Variants in CNNM2 observed in about 807,000 individuals in gnomAD.
CNNM2 encodes the protein cyclin and CBS domain divalent metal cation transport mediator 2.
Under a neutral mutation model 66.9 loss-of-function variants are expected in CNNM2, and 12 were observed. The observed-to-expected ratio is 0.18, with a 90% confidence interval of 0.11 to 0.29. The LOEUF is 0.29. Among genes scored for constraint, CNNM2 ranks in the 10% least tolerant of loss-of-function variants. The probability of loss-of-function intolerance (pLI) is 1.00; values close to 1 mark genes in which losing one functional copy is unlikely to be tolerated. For synonymous variants in CNNM2, 557 were observed against 501.8 expected (o/e 1.11, Z -1.47); for missense variants, 705 against 1,167.7 (o/e 0.60, Z 5.77).
At chr10:102,960,783 CTTT>C (rs1183182236) in intron 1 of CNNM2, among the ~76,000 whole-genome samples, 4 of 97,864 alleles carry the variant, frequency 4.1e-5, no homozygotes, top group Middle Eastern at 6.0e-3. Flanking sequence ...CCATACCTGG[CTTT>C]TTTTTTTTTT....
chr10:103,068,065 G>A (rs1254685295), intron 4 of CNNM2, among the ~76,000 whole-genome samples: 1 of 152,178 alleles, frequency 6.6e-6, no homozygotes, highest in Non-Finnish European at 1.5e-5. Context: ...CTGGCTCCTT[G>A]GACAGCCTAG....
intron 4 of CNNM2, among the ~76,000 whole-genome samples, chr10:103,067,677 C>T (rs1009725631): frequency 6.6e-6 from 1 of 152,126 alleles, no homozygotes; most frequent in Non-Finnish European, 1.5e-5. Flanking sequence ...TGAGCACCTA[C>T]CATGCAGGGA....
At chr10:103,076,311 G>C (rs1281577499) in intron 7 of CNNM2, 41 bp downstream of exon 7, 1 of 1,539,470 alleles carries the variant, frequency 6.5e-7, no homozygotes, top group South Asian at 1.2e-5. Flanking sequence ...CTGGCAGTTA[G>C]TTGTCAACTT....
chr10:102,937,629 T>C (rs768729971), intron 1 of CNNM2, among the ~76,000 whole-genome samples: 18 of 152,202 alleles, frequency 1.2e-4, no homozygotes, highest in Non-Finnish European at 2.2e-4. Context: ...CTACAAAATG[T>C]ATATCTTACA....
intron 6 of CNNM2, 55 bp downstream of exon 6, chr10:103,071,894 A>G: frequency 4.0e-6 from 6 of 1,510,126 alleles, no homozygotes; most frequent in Non-Finnish European, 5.5e-6. Context: ...CTTGCCCCCC[A>G]TCACGCCTGG....
At chr10:103,049,417 C>T (rs1029172335) in intron 1 of CNNM2, among the ~76,000 whole-genome samples, 3 of 152,156 alleles carry the variant, frequency 2.0e-5, no homozygotes, top group African/African-American at 4.8e-5. Context: ...CTTTAGGTGG[C>T]AGTTGCCGAA....
intron 1 of CNNM2, among the ~76,000 whole-genome samples, chr10:102,992,526 G>A (rs1172523401): frequency 1.3e-5 from 2 of 151,848 alleles, no homozygotes; most frequent in East Asian, 1.9e-4. Flanking sequence ...CTCCCACCTC[G>A]GCCTCCCAAA....
intron 1 of CNNM2, among the ~76,000 whole-genome samples, chr10:103,001,316 G>T (rs1005271110): frequency 2.0e-5 from 3 of 152,098 alleles, no homozygotes; most frequent in Non-Finnish European, 1.5e-5. Flanking sequence ...TTAAAAAAAT[G>T]GTTAAAATGG....
At chr10:103,022,586 A>G (rs1246797842) in intron 1 of CNNM2, among the ~76,000 whole-genome samples, 1 of 152,202 alleles carries the variant, frequency 6.6e-6, no homozygotes, top group Non-Finnish European at 1.5e-5. Flanking sequence ...CAAATGCTAC[A>G]AATCAGCTTT....
At chr10:103,011,938 A>G (rs768981627) in intron 1 of CNNM2, among the ~76,000 whole-genome samples, 3 of 151,798 alleles carry the variant, frequency 2.0e-5, no homozygotes, top group Non-Finnish European at 4.4e-5. Flanking sequence ...TGATCTGCCC[A>G]CCTCGGCCTC....
At chr10:103,020,156 CT>C (rs753529269) in intron 1 of CNNM2, among the ~76,000 whole-genome samples, 52 of 144,960 alleles carry the variant, frequency 3.6e-4, no homozygotes, top group Middle Eastern at 3.6e-3. Flanking sequence ...CATTTTTGTT[CT>C]TTTTTTTTTT....
At chr10:102,959,110 T>C (rs893209956) in intron 1 of CNNM2, among the ~76,000 whole-genome samples, 2 of 152,020 alleles carry the variant, frequency 1.3e-5, no homozygotes, top group African/African-American at 4.8e-5. Context: ...AATTTTTGTA[T>C]TTTTTGTAGA....
At chr10:102,948,659 G>T (rs904238449) in intron 1 of CNNM2, among the ~76,000 whole-genome samples, 1 of 152,174 alleles carries the variant, frequency 6.6e-6, no homozygotes, top group African/African-American at 2.4e-5. Flanking sequence ...GGGGGTACAT[G>T]AGCATGACAT....
chr10:103,059,743 G>A (rs1041897670), intron 4 of CNNM2, among the ~76,000 whole-genome samples: 1 of 137,464 alleles, frequency 7.3e-6, no homozygotes. Flanking sequence ...TAGAAGATCA[G>A]GCATACTAAA....
intron 1 of CNNM2, among the ~76,000 whole-genome samples, chr10:103,011,805 G>T (rs952861504): frequency 2.6e-5 from 4 of 151,862 alleles, no homozygotes; most frequent in South Asian, 2.1e-4. Flanking sequence ...CGATTCTTCT[G>T]CCTCAACCTC....
chr10:102,929,679 C>A (rs1182225632), intron 1 of CNNM2, among the ~76,000 whole-genome samples: 5 of 152,000 alleles, frequency 3.3e-5, no homozygotes, highest in Non-Finnish European at 5.9e-5. Context: ...AAAAAGACAA[C>A]AAGTCTTTTG....
At chr10:103,007,124 C>T (rs2064244213) in intron 1 of CNNM2, among the ~76,000 whole-genome samples, 1 of 152,230 alleles carries the variant, frequency 6.6e-6, no homozygotes, top group East Asian at 1.9e-4. Flanking sequence ...ATCGGTAGGA[C>T]CGTGATGCCC....
In CNNM2 at chr10:103,019,086, G is replaced by A. The variant is rs116829709; in HGVS notation, c.1622-30621G>A. On this transcript the variant is annotated intron_variant, in intron 1 of 7. Coordinates refer to ENST00000369878, the MANE Select transcript of CNNM2 (RefSeq NM_017649.5). ...AGTTAGAGACCAGCCTGGGCAGCAC[G>A]GCGAGATCCCATCCCTACTAAAAAT... Among the ~76,000 whole-genome samples the A allele has an allele frequency of 9.9e-3, 1,498 of 151,606 alleles. 34 individuals are homozygous for A. The highest frequency in any genetic ancestry group is 0.035 in the African/African-American group (1,435 of 41,462).
At chr10:103,012,810 T>C (rs1192688126) in intron 1 of CNNM2, among the ~76,000 whole-genome samples, 1 of 152,174 alleles carries the variant, frequency 6.6e-6, no homozygotes, top group Non-Finnish European at 1.5e-5. Flanking sequence ...GGTTAAGTAC[T>C]GAACCCTTTC....
Sources: gnomAD v4.1 joint callset for allele counts (sites outside exome capture counted in the v4.1 genomes callset) on GRCh38, gnomAD v4.1.1 for gene constraint, MANE v1.5 for transcripts, NCBI Gene and HGNC (gene_info 2026-07-23, HGNC 2026-07-21) for gene names.